Variants in RASGEF1B observed in about 807,000 individuals in gnomAD.
RASGEF1B encodes the protein RasGEF domain family member 1B.
In RASGEF1B, 30 loss-of-function variants were observed where a neutral mutation model predicts 65.7. That is an observed-to-expected ratio of 0.46 (90% CI 0.34 to 0.62). The LOEUF (loss-of-function observed/expected upper bound fraction) is 0.62. Among genes scored for constraint, RASGEF1B ranks in the 20% least tolerant of loss-of-function variants. The pLI, the probability that RASGEF1B is intolerant of heterozygous loss-of-function variation, is 0.01. For missense variants in RASGEF1B, 495 were observed against 580.1 expected (o/e 0.85, Z 1.51); for synonymous variants, 175 against 194.8 (o/e 0.90, Z 0.85).
Position 81,426,962 on chromosome 4 carries a change from T to C in RASGEF1B, c.*806A>G, listed in dbSNP as rs542430734. The C allele has an allele frequency of 3.5e-4, 43 of 123,132 alleles. No individual in the cohort carries two copies. The highest frequency in any genetic ancestry group is 1.4e-3 in the African/African-American group (43 of 30,214). 7.6% of individuals were successfully genotyped at this position (123,132 alleles called of 1,614,324 possible). ...ACATCTGTGGAACACAGTGGTCAGT[T>C]GTAAACAGCTCAGAAGAGCAAAAAA... On this transcript the variant is annotated 3_prime_UTR_variant, in exon 14 of 14. Coordinates refer to ENST00000264400, the MANE Select transcript of RASGEF1B (RefSeq NM_152545.3).
chr4:81,449,362 A>C (rs1722166360), intron 4 of RASGEF1B, among the ~76,000 whole-genome samples: 2 of 152,248 alleles, frequency 1.3e-5, no homozygotes, highest in Admixed American at 1.3e-4. Flanking sequence ...AAAGCACTGC[A>C]TGTAGTTTAG....
At chr4:81,463,525 A>T (rs945550557) in intron 1 of RASGEF1B, among the ~76,000 whole-genome samples, 1 of 152,206 alleles carries the variant, frequency 6.6e-6, no homozygotes, top group African/African-American at 2.4e-5. Flanking sequence ...GAAAGAAATG[A>T]CCAAGAGAAA....
At chr4:81,442,990 A>G (rs1721895936) in intron 8 of RASGEF1B, among the ~76,000 whole-genome samples, 1 of 152,240 alleles carries the variant, frequency 6.6e-6, no homozygotes, top group South Asian at 2.1e-4. Flanking sequence ...TCCCCTCAAC[A>G]TTCTTAAAAG....
Position 81,471,866 on chromosome 4 carries a change from A to G in RASGEF1B, c.-103T>C, listed in dbSNP as rs948298321. The G allele has an allele frequency of 6.5e-6, 1 of 152,692 alleles. No individual in the cohort carries two copies. The highest frequency in any genetic ancestry group is 2.4e-5 in the African/African-American group (1 of 41,462). The allele number at this position is 152,692 out of a possible 1,614,324, so 9.5% of individuals were successfully genotyped here. On this transcript the variant is annotated 5_prime_UTR_variant, in exon 1 of 14. Transcript: ENST00000264400. ...GGAGCTAAAGCGCGCGGGAAGAAGA[A>G]AAACAAAATCTGTCTAACCAGTCGG... is the stretch of plus-strand genomic sequence containing the variant.
chr4:81,434,139 T>TCCTGGGCTCGA (rs369021030), intron 11 of RASGEF1B, among the ~76,000 whole-genome samples, 176 bp from the exon 12 acceptor site: 54 of 152,226 alleles, frequency 3.5e-4, no homozygotes, highest in African/African-American at 1.2e-3. Context: ...AACATCAAAC[T>TCCTGGGCTCGA]CCTGGGCTCG....
intron 3 of RASGEF1B, 51 bp from the exon 4 acceptor site, chr4:81,456,839 C>T (rs1722461922): frequency 1.4e-6 from 2 of 1,452,438 alleles, no homozygotes; most frequent in South Asian, 2.6e-5. Context: ...CTATGGACTA[C>T]ATCAAATCAA....
chr4:81,440,798 C>A, intron 10 of RASGEF1B, 36 bp downstream of exon 10: 1 of 1,391,670 alleles, frequency 7.2e-7, no homozygotes, highest in Non-Finnish European at 1.0e-6. Context: ...AACACAGCAA[C>A]TCTACCATAA....
chr4:81,452,792 T>C (rs1722307067), intron 4 of RASGEF1B: 1 of 152,232 alleles, frequency 6.6e-6, no homozygotes, highest in Non-Finnish European at 1.5e-5. Context: ...GAAAATTGCA[T>C]TCTACTCACT....
At chr4:81,466,770 A>AAAAAAGAAAGAAAGAAAGAAGAAAGAAAG (rs748492254) in intron 1 of RASGEF1B, among the ~76,000 whole-genome samples, 1 of 36,100 alleles carries the variant, frequency 2.8e-5, no homozygotes, top group East Asian at 7.2e-4. Context: ...AAAAAAAAAA[A>AAAAAAGAAAGAAAGAAAGAAGAAAGAAAG]AAAGAAAGAA....
chr4:81,432,223 T>C (rs889005981), intron 13 of RASGEF1B, 76 bp downstream of exon 13: 61 of 897,384 alleles, frequency 6.8e-5, no homozygotes, highest in Non-Finnish European at 9.8e-5. Flanking sequence ...CAGCTTCCTA[T>C]AGAACGCATG....
In RASGEF1B at chr4:81,466,937, TA is replaced by T. The variant is rs760715662; in HGVS notation, c.-7+4832del. Reference sequence around the variant, plus strand: ...AATGCTACACCTCTGCTTACCTCCTTAAAAAAAAAAAAAAAAAAGAAAAAAA... The same window carrying T: ...AATGCTACACCTCTGCTTACCTCCTTAAAAAAAAAAAAAAAAAGAAAAAAA... On this transcript the variant is annotated intron_variant, in intron 1 of 13. Coordinates refer to ENST00000264400, the MANE Select transcript of RASGEF1B (RefSeq NM_152545.3). Among the ~76,000 whole-genome samples the T allele has an allele frequency of 5.2e-3, 488 of 94,692 alleles. 4 individuals are homozygous for T. Among genetic ancestry groups the T allele is most frequent in the African/African-American group, 0.014 (336 of 23,506 alleles). 62.1% of individuals were successfully genotyped at this position (94,692 alleles called of 152,430 possible).
At chr4:81,456,178 C>T (rs1021217785) in intron 4 of RASGEF1B, 2 of 337,374 alleles carry the variant, frequency 5.9e-6, no homozygotes, top group Non-Finnish European at 1.1e-5. Context: ...TCAACAGGAG[C>T]GTATTTATTT....
intron 13 of RASGEF1B, among the ~76,000 whole-genome samples, chr4:81,429,742 C>G: frequency 6.6e-6 from 1 of 152,186 alleles, no homozygotes; most frequent in East Asian, 1.9e-4. Context: ...CAGGGCACAC[C>G]GAAAGATGCC....
intron 13 of RASGEF1B, 142 bp from the exon 14 acceptor site, chr4:81,427,934 C>T: frequency 1.2e-6 from 1 of 856,204 alleles, no homozygotes; most frequent in East Asian, 3.0e-5. Flanking sequence ...AAAAAAAAAT[C>T]AAGCTTTTAA....
intron 10 of RASGEF1B, among the ~76,000 whole-genome samples, chr4:81,435,196 G>C (rs535036703): frequency 1.4e-3 from 213 of 152,020 alleles, no homozygotes; most frequent in African/African-American, 4.8e-3. Flanking sequence ...TGGATCATGA[G>C]GTCAGGAGAT....
intron 4 of RASGEF1B, 77 bp downstream of exon 4, chr4:81,456,574 A>T: frequency 6.8e-7 from 1 of 1,479,124 alleles, no homozygotes; most frequent in Middle Eastern, 1.7e-4. Context: ...GGAGATTAGG[A>T]TGCATAATTC....
rs771832933 is a variant in RASGEF1B at position 81,434,699 on chromosome 4, A to G, written c.1140T>C (p.Asp380=). ...VIPFFSLLIK[D]IYFLNEGCAN... ...CACAACCCTCATTGAGGAAATAAAT[A>G]TCTTTGATTAAGAGACTGAAGAATG... Residue 380 remains aspartate (D), a synonymous_variant, in exon 11 of 14, where the codon GAT becomes GAC. Coordinates refer to ENST00000264400, the MANE Select transcript of RASGEF1B (RefSeq NM_152545.3). The G allele has an allele frequency of 8.7e-6, 14 of 1,604,314 alleles. No homozygotes were observed. Among genetic ancestry groups the G allele is most frequent in the African/African-American group, 1.3e-5 (1 of 74,700 alleles).
chr4:81,432,332 T>C lies in RASGEF1B; in HGVS notation c.1364A>G (p.Asn455Ser). ...LASYESEGPE[N>S]HIEKDRWKSL... The stretch of plus-strand genomic sequence containing the variant: ...CTTCCATCTGTCTTTCTCTATATGA[T>C]TTTCAGGTCCTTCACTCTCATAAGA... Residue 455 changes from asparagine (N) to serine (S), a missense_variant, in exon 13 of 14, where the codon AAT (asparagine) becomes AGT (serine). By Grantham distance (46) the Asn-to-Ser change is conservative. Coordinates refer to ENST00000264400, the MANE Select transcript of RASGEF1B (RefSeq NM_152545.3). The C allele has an allele frequency of 6.2e-7, 1 of 1,610,452 alleles. No individual in the cohort carries two copies. Among genetic ancestry groups the C allele is most frequent in the East Asian group, 2.2e-5 (1 of 44,830 alleles).
At chr4:81,457,747 G>A in intron 2 of RASGEF1B, 126 bp from the exon 3 acceptor site, 1 of 960,492 alleles carries the variant, frequency 1.0e-6, no homozygotes, top group South Asian at 1.6e-5. Context: ...CAAAAGTAAT[G>A]CCTACTAGTA....
Sources: allele counts gnomAD v4.1 joint callset (sites outside exome capture counted in the v4.1 genomes callset), GRCh38; gene constraint gnomAD v4.1.1; transcripts MANE v1.5; gene names NCBI Gene and HGNC (gene_info 2026-07-23, HGNC 2026-07-21).